The following DMD variants were observed in gnomAD, a reference collection of about 807,000 sequenced individuals.
The protein encoded by DMD is mutant dystrophin.
In DMD, 63 loss-of-function variants were observed where a neutral mutation model predicts 330.1. The ratio of observed to expected loss-of-function variants is 0.19; its 90% CI spans 0.16 to 0.24. The LOEUF (loss-of-function observed/expected upper bound fraction) is 0.24. DMD is among the 10% of genes least tolerant of loss of function. DMD has a pLI of 1.00. For missense variants in DMD, 3,344 were observed against 2,684.1 expected, an observed-to-expected ratio of 1.25 and a Z score of -5.43; for synonymous variants, 1,223 against 959.8, an observed-to-expected ratio of 1.27 and a Z score of -5.07.
intron 44 of DMD, among the ~76,000 whole-genome samples, chrX:32,186,551 T>C (rs2096948542): frequency 8.9e-6 from 1 of 111,747 alleles, no homozygotes; most frequent in Non-Finnish European, 1.9e-5. Context: ...TAAAATGCCC[T>C]GATAAGAAGT....
chrX:32,714,228 T>G (rs752309670), intron 7 of DMD, among the ~76,000 whole-genome samples: 1 of 111,537 alleles, frequency 9.0e-6, no homozygotes, highest in African/African-American at 3.3e-5. Context: ...CATGGATATG[T>G]TGTGTAGTGA....
chrX:33,258,802 TTAATTGTCTTATG>T (rs1283418576), intron 1 of DMD, among the ~76,000 whole-genome samples: 2 of 111,237 alleles, frequency 1.8e-5, no homozygotes, highest in African/African-American at 6.5e-5. Context: ...TGTTCGGATC[TTAATTGTCTTATG>T]TAGTACATAC....
intron 30 of DMD, among the ~76,000 whole-genome samples, chrX:32,401,843 G>A (rs1212911281): frequency 3.6e-5 from 4 of 112,180 alleles, no homozygotes; most frequent in South Asian, 3.6e-4. Context: ...CATCTACTAC[G>A]TGCCTACAAA....
intron 2 of DMD, among the ~76,000 whole-genome samples, chrX:32,881,814 C>T (rs1037134654): frequency 2.7e-5 from 3 of 111,588 alleles, no homozygotes; most frequent in African/African-American, 6.5e-5. Context: ...CCCTTCTAAA[C>T]CCTACTTTGC....
intron 1 of DMD, among the ~76,000 whole-genome samples, chrX:33,071,261 G>A (rs191807894): frequency 9.1e-6 from 1 of 109,718 alleles, no homozygotes; most frequent in East Asian, 2.9e-4. Context: ...AACAAGCCTG[G>A]CCAACATGGT....
intron 4 of DMD, among the ~76,000 whole-genome samples, chrX:32,824,682 ACT>A (rs2078549877): frequency 9.0e-6 from 1 of 111,506 alleles, no homozygotes; most frequent in Non-Finnish European, 1.9e-5. Context: ...CTGCATATTG[ACT>A]CTGATGGTGG....
rs190811708 is a variant in DMD, at chrX:32,446,297, C to T, written c.3786+2159G>A. Among the ~76,000 whole-genome samples the T allele has an allele frequency of 3.6e-4, 39 of 108,380 alleles. No individual in the cohort carries two copies. The South Asian group carries it at 0.012, about 34-fold the overall frequency. The allele number at this position is 108,380 out of a possible 115,157, so 94.1% of individuals were successfully genotyped here. On this transcript the variant is annotated intron_variant, in intron 27 of 78. Coordinates refer to ENST00000357033, the MANE Select transcript of DMD (RefSeq NM_004006.3). ...GGGTGAAACTGCAGAGCAGACAGGACGAAGAGAAAATTTAAAGGTACCAGA... is the reference window on the plus strand; with the variant it reads ...GGGTGAAACTGCAGAGCAGACAGGATGAAGAGAAAATTTAAAGGTACCAGA...
intron 1 of DMD, among the ~76,000 whole-genome samples, chrX:33,045,799 G>C (rs1295434188): frequency 9.0e-6 from 1 of 111,623 alleles, no homozygotes; most frequent in Non-Finnish European, 1.9e-5. Flanking sequence ...AAAGGGACTG[G>C]GCATGTAGAT....
At chrX:32,815,616 C>T (rs2077702439) in intron 6 of DMD, among the ~76,000 whole-genome samples, 1 of 104,830 alleles carries the variant, frequency 9.5e-6, no homozygotes, top group Non-Finnish European at 1.9e-5. Flanking sequence ...TGTATGTGTA[C>T]ATATACATAT....
intron 60 of DMD, among the ~76,000 whole-genome samples, chrX:31,431,733 T>G (rs760915770): frequency 8.9e-6 from 1 of 111,978 alleles, no homozygotes; most frequent in East Asian, 2.8e-4. Context: ...CTGTTCAATT[T>G]TAACAAAAGG....
chrX:31,780,056 T>C (rs67365156), intron 50 of DMD, among the ~76,000 whole-genome samples: 13,329 of 111,267 alleles, frequency 0.12, 604 homozygotes, highest in South Asian at 0.18. Context: ...AACACTTCTC[T>C]AGTCTGAAAA....
At chrX:32,820,089 G>T (rs968962859) in intron 5 of DMD, among the ~76,000 whole-genome samples, 1 of 111,627 alleles carries the variant, frequency 9.0e-6, no homozygotes, top group African/African-American at 3.3e-5. Context: ...GACAAAGAAA[G>T]ATTTAAAAAG....
intron 44 of DMD, among the ~76,000 whole-genome samples, chrX:32,010,713 A>T (rs1406728938): frequency 1.8e-5 from 2 of 111,809 alleles, no homozygotes; most frequent in African/African-American, 6.5e-5. Context: ...CCCAAGTTAG[A>T]CTTGGGTACC....
Position 31,968,385 on chromosome X carries a change from G to C in DMD, c.6568C>G (p.Leu2190Val). 8.3e-7 allele frequency: 1 copy of C among 1,210,733 alleles called. No homozygotes were observed. Among genetic ancestry groups the C allele is most frequent in the Non-Finnish European group, 1.1e-6 (1 of 894,864 alleles). The change falls in exon 45 of 79, where the codon CTG becomes GTG. Residue 2190 changes from leucine to valine, a missense_variant. Physicochemically the swap from Leu to Val is conservative, Grantham distance 32. Coordinates refer to ENST00000357033, the MANE Select transcript of DMD (RefSeq NM_004006.3). ...TGTTTGCAGACCTCCTGCCACCGCA[G>C]ATTCAGGCTTCCCAATTTTTCCTGT... ...ILQEKLGSLNLRWQEVCKQLS... is the reference protein window; with the variant it reads ...ILQEKLGSLNVRWQEVCKQLS...
intron 2 of DMD, among the ~76,000 whole-genome samples, chrX:32,885,124 G>T (rs893530957): frequency 2.7e-5 from 3 of 111,762 alleles, no homozygotes; most frequent in Non-Finnish European, 1.9e-5. Flanking sequence ...AATCTGTTCA[G>T]AGTCATAGGC....
chrX:32,042,019 C>G (rs1276160350), intron 44 of DMD, among the ~76,000 whole-genome samples: 1 of 67,174 alleles, frequency 1.5e-5, no homozygotes, highest in Non-Finnish European at 2.8e-5. Context: ...CTCTCTCTCT[C>G]TCTGTTCATA....
intron 23 of DMD, among the ~76,000 whole-genome samples, chrX:32,466,158 A>G (rs1196003282): frequency 9.0e-6 from 1 of 111,423 alleles, no homozygotes; most frequent in Non-Finnish European, 1.9e-5. Context: ...ATCCAAGGAC[A>G]TTCACTGTCT....
At chrX:31,892,644 G>A (rs745632171) in intron 47 of DMD, among the ~76,000 whole-genome samples, 1 of 111,735 alleles carries the variant, frequency 8.9e-6, no homozygotes, top group Admixed American at 9.5e-5. Flanking sequence ...ACATGATATA[G>A]CCTAATGCTC....
intron 44 of DMD, among the ~76,000 whole-genome samples, chrX:32,089,119 C>A (rs2096459483): frequency 9.0e-6 from 1 of 111,338 alleles, no homozygotes; most frequent in Non-Finnish European, 1.9e-5. Context: ...TGAGTTCTGA[C>A]AAGGGCTTAG....
Sources: allele counts gnomAD v4.1 joint callset (sites outside exome capture counted in the v4.1 genomes callset), GRCh38; gene constraint gnomAD v4.1.1; transcripts MANE v1.5; gene names NCBI Gene and HGNC (gene_info 2026-07-23, HGNC 2026-07-21).